Variants in ZNF653 observed in about 807,000 individuals in gnomAD.
ZNF653 encodes the protein 67 kDa zinc finger protein.
A neutral mutation model predicts 59.9 loss-of-function variants in ZNF653; 37 were observed. The observed-to-expected ratio is 0.62, with a 90% CI of 0.48 to 0.81. ZNF653 has a LOEUF of 0.81. ZNF653 is among the 40% of genes least tolerant of loss of function. The pLI, the probability that ZNF653 is intolerant of heterozygous loss-of-function variation, is 0.00. For synonymous variants in ZNF653, 435 were observed against 371.8 expected (o/e 1.17, Z -1.96); for missense variants, 808 against 881.1 (o/e 0.92, Z 1.05).
Position 11,496,017 on chromosome 19 carries a change from G to A in ZNF653, c.492C>T (p.His164=), listed in dbSNP as rs747621912. 6.2e-7 allele frequency: 1 copy of A among 1,614,184 alleles called. No individual in the cohort carries two copies. Among genetic ancestry groups the A allele is most frequent in the East Asian group, 2.2e-5 (1 of 44,890 alleles). ...GCGAATGCAGGTCCTGGAAGTAGCG[G>A]TGGCCAGCTTCGCACTGCCACACGG... The part of the protein sequence containing the change: ...TTAVWQCEAG[H]RYFQDLHSPL... The change falls in exon 3 of 9, where the codon CAC becomes CAT. Residue 164 remains histidine, a synonymous_variant. Coordinates refer to ENST00000293771, the MANE Select transcript of ZNF653 (RefSeq NM_138783.4).
chr19:11,487,685 G>A lies in ZNF653; in HGVS notation c.778C>T (p.Pro260Ser). ...TTGCCTGCTGGGTTGGAGCACAGCG[G>A]GGTACCCTGCTCGGCCAGGCTTTCC... ...HVESLAEQGTPLCSNPAGNGP... is the reference protein window; with the variant it reads ...HVESLAEQGTSLCSNPAGNGP... Residue 260 changes from proline (P) to serine (S), a missense_variant, in exon 4 of 9, where the codon CCG (proline) becomes TCG (serine). Transcript: ENST00000293771. The surrounding 1 kb of genome is among the most constrained non-coding windows in gnomAD (Gnocchi z 5.1). 1 of 1,613,854 alleles carries A rather than the reference G, an allele frequency of 6.2e-7. No individual in the cohort carries two copies. Among genetic ancestry groups the A allele is most frequent in the Non-Finnish European group, 8.5e-7 (1 of 1,179,970 alleles).
intron 2 of ZNF653, among the ~76,000 whole-genome samples, chr19:11,497,265 G>C (rs558303741): frequency 6.6e-6 from 1 of 152,356 alleles, no homozygotes; most frequent in African/African-American, 2.4e-5. Context: ...GAACACTGCT[G>C]TTTTGCTCCT....
At position 11,505,453 on chromosome 19, in the gene ZNF653, T is replaced by G. The variant is rs1021203629; in HGVS notation, c.299+35A>C. 6 of 1,409,994 alleles carry G rather than the reference T, an allele frequency of 4.3e-6. No homozygotes were observed. In the African/African-American group the frequency reaches 7.6e-5, roughly 18 times the overall value. 87.3% of individuals were successfully genotyped at this position (1,409,994 alleles called of 1,614,324 possible). On this transcript the variant is annotated intron_variant, in intron 1 of 8. Coordinates refer to ENST00000293771, the MANE Select transcript of ZNF653 (RefSeq NM_138783.4). ...AAGCCCGGCGGGGTCTGGGGGCGTC[T>G]CCTCCCTCCCTCCCTCGGGGCCAGG...
At position 11,487,096 on chromosome 19, in the gene ZNF653, C is replaced by T; in HGVS notation, c.1234G>A (p.Ala412Thr). 1 of 1,613,852 alleles carries T rather than the reference C, an allele frequency of 6.2e-7. No individual in the cohort carries two copies. The change falls in exon 5 of 9, where the codon GCA (alanine) becomes ACA (threonine). Residue 412 changes from alanine (A) to threonine (T), a missense_variant. Coordinates refer to ENST00000293771, the MANE Select transcript of ZNF653 (RefSeq NM_138783.4). The surrounding 1 kb of genome is among the most constrained non-coding windows in gnomAD (Gnocchi z 5.1). ...TCTGCGCTCTCAGGCACCGTTGTTG[C>T]CAGCTCCGGGGCTACTGGCTCCTCC... ...EKEEPVAPEL[A>T]TTVPESAEPE...
Position 11,505,591 on chromosome 19 carries a change from G to A in ZNF653, c.196C>T (p.His66Tyr). ...DVRRVYLGEAHGPWVDLRRRS... is the reference protein window; with the variant it reads ...DVRRVYLGEAYGPWVDLRRRS... Reference sequence around the variant, plus strand: ...CGCCGCAGGTCCACCCAGGGCCCGTGCGCCTCGCCCAGGTACACGCGCCGC... The same window carrying A: ...CGCCGCAGGTCCACCCAGGGCCCGTACGCCTCGCCCAGGTACACGCGCCGC... Residue 66 changes from histidine (H) to tyrosine (Y), a missense_variant, in exon 1 of 9, where the codon CAC (histidine) becomes TAC (tyrosine). Physicochemically the swap from His to Tyr is moderately conservative, Grantham distance 83. Transcript: ENST00000293771. 6.6e-7 allele frequency: 1 copy of A among 1,509,194 alleles called. No individual in the cohort carries two copies. Among genetic ancestry groups the A allele is most frequent in the Non-Finnish European group, 8.8e-7 (1 of 1,136,832 alleles). The allele number at this position is 1,509,194 out of a possible 1,614,324, so 93.5% of individuals were successfully genotyped here.
chr19:11,483,916 G>A, intron 8 of ZNF653, 57 bp from the exon 9 acceptor site: 2 of 1,507,552 alleles, frequency 1.3e-6, no homozygotes, highest in East Asian at 2.5e-5. Flanking sequence ...GCGGGGCGGG[G>A]CCCTACAAGG....
At chr19:11,489,792 C>T (rs1971511109) in intron 3 of ZNF653, among the ~76,000 whole-genome samples, 1 of 152,314 alleles carries the variant, frequency 6.6e-6, no homozygotes, top group Middle Eastern at 3.4e-3. Flanking sequence ...CCTCTCTTAG[C>T]CCCCAGACCC....
chr19:11,485,234 C>G (rs1971453492), intron 7 of ZNF653, among the ~76,000 whole-genome samples: 1 of 152,008 alleles, frequency 6.6e-6, no homozygotes, highest in African/African-American at 2.4e-5. Flanking sequence ...GAAACAGAAG[C>G]CCAGTCCCAA....
chr19:11,485,432 G>C (rs1971455663), intron 7 of ZNF653, among the ~76,000 whole-genome samples: 1 of 152,166 alleles, frequency 6.6e-6, no homozygotes, highest in African/African-American at 2.4e-5. Context: ...GGATAGGAGG[G>C]AAGATGGCCA....
rs1015409605 is a variant in ZNF653 at position 11,487,967 on chromosome 19, T to C, written c.560-64A>G. On this transcript the variant is annotated intron_variant, in intron 3 of 8. Coordinates refer to ENST00000293771, the MANE Select transcript of ZNF653 (RefSeq NM_138783.4). This position sits in a 1 kb window ranked among gnomAD's most constrained non-coding sequence, Gnocchi z 5.1. ...CAGCCACTGGTATTTGTTTATTTAG[T>C]TTTTATTTTATTTTATTTATTTATT... 24 of 1,240,576 alleles carry C rather than the reference T, an allele frequency of 1.9e-5. No homozygotes were observed. The highest frequency in any genetic ancestry group is 1.1e-4 in the Admixed American group (3 of 26,368). The allele number at this position is 1,240,576 out of a possible 1,614,324, so 76.8% of individuals were successfully genotyped here.
At position 11,487,030 on chromosome 19, in the gene ZNF653, C is replaced by T. The variant is rs373347793; in HGVS notation, c.1300G>A (p.Asp434Asn). The change falls in exon 5 of 9, where the codon GAC (aspartate) becomes AAC (asparagine). Residue 434 changes from aspartate (D) to asparagine (N), a missense_variant. Coordinates refer to ENST00000293771, the MANE Select transcript of ZNF653 (RefSeq NM_138783.4). This position sits in a 1 kb window ranked among gnomAD's most constrained non-coding sequence, Gnocchi z 5.1. ...ATTTCATAGATGATGGCTGACATGT[C>T]GCTGCCGTCCAGCTCCTCCCCGTCC... ...EADGEELDGS[D>N]MSAIIYEIPK... is the part of the protein sequence containing the mutation. 72 of 1,614,014 alleles carry T rather than the reference C, an allele frequency of 4.5e-5. No homozygotes were observed. Among genetic ancestry groups the T allele is most frequent in the African/African-American group, 8.0e-5 (6 of 74,948 alleles).
chr19:11,490,898 T>C (rs1417806946), intron 3 of ZNF653, among the ~76,000 whole-genome samples: 2 of 152,224 alleles, frequency 1.3e-5, no homozygotes, highest in African/African-American at 2.4e-5. Context: ...TGTCCCTGAC[T>C]CAGCGGAAGG....
At chr19:11,497,307 T>C (rs918705638) in intron 2 of ZNF653, among the ~76,000 whole-genome samples, 8 of 152,272 alleles carry the variant, frequency 5.3e-5, no homozygotes, top group South Asian at 2.1e-4. Context: ...AAGGGCCTGG[T>C]TCATAGCAGG....
Position 11,487,523 on chromosome 19 carries a change from C to A in ZNF653, c.940G>T (p.Val314Leu), listed in dbSNP as rs1289245256. 6.2e-7 allele frequency: 1 copy of A among 1,613,946 alleles called. No homozygotes were observed. The highest frequency in any genetic ancestry group is 1.7e-5 in the Admixed American group (1 of 60,026). ...VVASCPMPGMVPGSQVIIIAG... is the reference protein window; with the variant it reads ...VVASCPMPGMLPGSQVIIIAG... ...ATGATGATCACCTGTGAGCCGGGCA[C>A]CATGCCTGGCATGGGGCAGCTGGCC... Residue 314 changes from valine (V) to leucine (L), a missense_variant, in exon 4 of 9, where the codon GTG becomes TTG. Transcript: ENST00000293771. The surrounding 1 kb of genome is among the most constrained non-coding windows in gnomAD (Gnocchi z 5.1).
chr19:11,489,017 A>C (rs1285913517), intron 3 of ZNF653, among the ~76,000 whole-genome samples: 1 of 151,342 alleles, frequency 6.6e-6, no homozygotes, highest in Admixed American at 6.6e-5. Flanking sequence ...CTCCTGCCTC[A>C]GCCTCCTGAG....
At chr19:11,496,224 G>A (rs1414769063) in intron 2 of ZNF653, 59 bp from the exon 3 acceptor site, 2 of 1,556,714 alleles carry the variant, frequency 1.3e-6, no homozygotes, top group Non-Finnish European at 1.7e-6. Context: ...ATGGTGACAT[G>A]GCTGCCTGAA....
chr19:11,500,430 GT>G (rs1971631725), intron 1 of ZNF653, among the ~76,000 whole-genome samples: 1 of 152,142 alleles, frequency 6.6e-6, no homozygotes, highest in South Asian at 2.1e-4. Flanking sequence ...TGCCTCCTGG[GT>G]TCAAGCGATT....
Position 11,484,030 on chromosome 19 carries a change from C to T in ZNF653, c.1670+12G>A. 7 of 1,552,638 alleles carry T rather than the reference C, an allele frequency of 4.5e-6. No homozygotes were observed. The highest frequency in any genetic ancestry group is 6.1e-6 in the Non-Finnish European group (7 of 1,148,198). ...CCAATCCTCTAGCGGCACGGGGCGG[C>T]CTGTCACTCACTGCAGGGGGGTCTC... On this transcript the variant is annotated intron_variant, in intron 8 of 8. Transcript: ENST00000293771.
intron 1 of ZNF653, among the ~76,000 whole-genome samples, chr19:11,501,830 T>C (rs1971648072): frequency 2.6e-5 from 4 of 152,226 alleles, no homozygotes; most frequent in Non-Finnish European, 5.9e-5. Context: ...AGCCTCGCTC[T>C]GTTGCCCAGG....
Sources: allele counts gnomAD v4.1 joint callset (sites outside exome capture counted in the v4.1 genomes callset), GRCh38; gene constraint gnomAD v4.1.1; non-coding constraint Gnocchi (gnomAD v3.1); transcripts MANE v1.5; gene names NCBI Gene and HGNC (gene_info 2026-07-23, HGNC 2026-07-21).